Variants in PRKCB observed in about 807,000 individuals in gnomAD.
PRKCB encodes protein kinase C beta type.
In PRKCB, 13 loss-of-function variants were observed where a neutral mutation model predicts 81.5. The ratio of observed to expected loss-of-function variants is 0.16; its 90% confidence interval spans 0.10 to 0.25. PRKCB has a LOEUF of 0.25. Among genes scored for constraint, PRKCB ranks in the 10% least tolerant of loss-of-function variants. PRKCB has a pLI of 1.00. For missense variants in PRKCB, 509 were observed against 875.7 expected (o/e 0.58, Z 5.29); for synonymous variants, 335 against 321.4 (o/e 1.04, Z -0.45).
chr16:24,009,531 T>C (rs1039827574), intron 3 of PRKCB, among the ~76,000 whole-genome samples: 1 of 151,488 alleles, frequency 6.6e-6, no homozygotes, highest in Non-Finnish European at 1.5e-5. Flanking sequence ...TTCAAGTGAT[T>C]CTGCTGCCTC....
chr16:23,965,540 A>G (rs1964476202), intron 2 of PRKCB, among the ~76,000 whole-genome samples: 1 of 152,238 alleles, frequency 6.6e-6, no homozygotes, highest in Non-Finnish European at 1.5e-5. Context: ...ATATAAATCA[A>G]TAATCAATAA....
intron 7 of PRKCB, among the ~76,000 whole-genome samples, chr16:24,107,132 ATT>A (rs1966589155): frequency 6.6e-6 from 1 of 152,172 alleles, no homozygotes; most frequent in South Asian, 2.1e-4. Context: ...TAATTCAGTG[ATT>A]ATATTTTTCT....
intron 2 of PRKCB, among the ~76,000 whole-genome samples, chr16:23,854,200 A>T (rs190194247): frequency 2.0e-5 from 3 of 152,020 alleles, no homozygotes; most frequent in East Asian, 2.0e-4. Flanking sequence ...TCACCTGTGG[A>T]CATCCCAAGC....
intron 5 of PRKCB, among the ~76,000 whole-genome samples, chr16:24,046,294 T>C (rs1230107143): frequency 1.3e-5 from 2 of 152,240 alleles, no homozygotes; most frequent in Admixed American, 6.5e-5. Context: ...ATCCTGCCTT[T>C]CCCACTCCTC....
chr16:24,093,070 T>C, intron 6 of PRKCB, 123 bp downstream of exon 6: 1 of 1,043,984 alleles, frequency 9.6e-7, no homozygotes, highest in Non-Finnish European at 1.3e-6. Context: ...TCCTTTTCTG[T>C]CTTCTCCATC....
chr16:24,013,702 T>C (rs1965236150), intron 3 of PRKCB, among the ~76,000 whole-genome samples: 1 of 151,630 alleles, frequency 6.6e-6, no homozygotes, highest in Non-Finnish European at 1.5e-5. Context: ...ACATAATAGC[T>C]CTTCAATACC....
chr16:24,115,278 T>C (rs1966724117), intron 8 of PRKCB, among the ~76,000 whole-genome samples: 2 of 142,792 alleles, frequency 1.4e-5, no homozygotes, highest in Admixed American at 1.4e-4. Flanking sequence ...TTAGCATTTA[T>C]CCCAAGAGCA....
At chr16:24,172,171 TG>T in intron 10 of PRKCB, 98 bp from the exon 11 acceptor site, 1 of 833,380 alleles carries the variant, frequency 1.2e-6, no homozygotes, top group Non-Finnish European at 2.0e-6. Context: ...CAGAGAGCCC[TG>T]GTAGTTTTCA....
intron 3 of PRKCB, among the ~76,000 whole-genome samples, chr16:24,030,716 CA>C (rs59739745): frequency 0.099 from 12,970 of 131,328 alleles, 650 homozygotes; most frequent in African/African-American, 0.12. Flanking sequence ...CCCCTCTCTA[CA>C]AAAAAAAAAA....
chr16:23,998,699 A>G (rs1169197847), intron 3 of PRKCB, among the ~76,000 whole-genome samples: 1 of 152,222 alleles, frequency 6.6e-6, no homozygotes, highest in Non-Finnish European at 1.5e-5. Flanking sequence ...GGTGCATGGC[A>G]AGAGCTATAT....
chr16:24,219,623 T>G lies in PRKCB; in HGVS notation c.*4807T>G. The G allele has an allele frequency of 9.5e-7, 1 of 1,050,302 alleles. No individual in the cohort carries two copies. Among genetic ancestry groups the G allele is most frequent in the Non-Finnish European group, 1.1e-6 (1 of 872,928 alleles). The allele number at this position is 1,050,302 out of a possible 1,614,324, so 65.1% of individuals were successfully genotyped here. On this transcript the variant is annotated 3_prime_UTR_variant, in exon 17 of 17. Coordinates refer to ENST00000643927, the MANE Select transcript of PRKCB (RefSeq NM_002738.7). ...AGCATGGTAATAAGTAGCTTCCAAT[T>G]CAATTCATCCTAAAGCCAAAGAAAA...
chr16:24,106,645 T>C (rs1161638357), intron 7 of PRKCB, among the ~76,000 whole-genome samples: 3 of 152,228 alleles, frequency 2.0e-5, no homozygotes, highest in African/African-American at 7.2e-5. Flanking sequence ...CAAAATGTCC[T>C]ACAATTTTAA....
intron 2 of PRKCB, among the ~76,000 whole-genome samples, chr16:23,855,592 G>A (rs11074583): frequency 0.51 from 76,845 of 152,108 alleles, 21,086 homozygotes; most frequent in East Asian, 0.65. Context: ...ACTCTGGCTA[G>A]CATCATTGAT....
chr16:24,009,368 TAGGCAAATGCAAATCAAAACCACA>T, intron 3 of PRKCB, among the ~76,000 whole-genome samples: 1 of 151,280 alleles, frequency 6.6e-6, no homozygotes, highest in East Asian at 1.9e-4. Flanking sequence ...CACTAATCAC[TAGGCAAATGCAAATCAAAACCACA>T]ATGAGATATT....
At position 24,216,933 on chromosome 16, in the gene PRKCB, G is replaced by A; in HGVS notation, c.*2117G>A. On this transcript the variant is annotated 3_prime_UTR_variant, in exon 17 of 17. Transcript: ENST00000643927. ...GTAGCAAGGCAGCAGACATCTCTGAGCCAGGCCCACCAACAGGCCCTTATC... is the reference window on the plus strand; with the variant it reads ...GTAGCAAGGCAGCAGACATCTCTGAACCAGGCCCACCAACAGGCCCTTATC... 1 of 985,438 alleles carries A rather than the reference G, an allele frequency of 1.0e-6. No homozygotes were observed. Among genetic ancestry groups the A allele is most frequent in the African/African-American group, 1.7e-5 (1 of 57,354 alleles). 61.0% of individuals were successfully genotyped at this position (985,438 alleles called of 1,614,324 possible).
intron 3 of PRKCB, among the ~76,000 whole-genome samples, chr16:24,029,366 G>C (rs1965522425): frequency 6.6e-6 from 1 of 152,198 alleles, no homozygotes; most frequent in Admixed American, 6.5e-5. Flanking sequence ...TAGCGAGTGA[G>C]TTCTCACACG....
At position 23,932,453 on chromosome 16, in the gene PRKCB, G is replaced by A. The variant is rs577420568; in HGVS notation, c.206-56055G>A. Among the ~76,000 whole-genome samples, 21 of 152,300 alleles carry A rather than the reference G, an allele frequency of 1.4e-4. 1 individual carries two copies. The highest frequency in any genetic ancestry group is 6.8e-3 in the Middle Eastern group (2 of 294). On this transcript the variant is annotated intron_variant, in intron 2 of 16. Coordinates refer to ENST00000643927, the MANE Select transcript of PRKCB (RefSeq NM_002738.7). ...TTTTTTGGCAAAAAGGCCCCAAGGT[G>A]TAGTCCCTAGCACCTATGTTCGAAC...
Position 23,988,606 on chromosome 16 carries a change from C to G in PRKCB, c.288+16C>G. The G allele has an allele frequency of 6.2e-7, 1 of 1,610,350 alleles. No homozygotes were observed. The highest frequency in any genetic ancestry group is 1.1e-5 in the South Asian group (1 of 90,960). ...AGCCTCCGATGTAAGTAATGGGCAT[C>G]GATTGCTTTTCTCTGTCCACAGTCA... is the stretch of plus-strand genomic sequence containing the variant. On this transcript the variant is annotated intron_variant, in intron 3 of 16. Coordinates refer to ENST00000643927, the MANE Select transcript of PRKCB (RefSeq NM_002738.7).
At chr16:24,059,773 A>C (rs572858597) in intron 5 of PRKCB, among the ~76,000 whole-genome samples, 1 of 152,350 alleles carries the variant, frequency 6.6e-6, no homozygotes, top group African/African-American at 2.4e-5. Flanking sequence ...AATTCAAGAA[A>C]GTGGATATGG....
Sources: gnomAD v4.1 joint callset for allele counts (sites outside exome capture counted in the v4.1 genomes callset) on GRCh38, gnomAD v4.1.1 for gene constraint, MANE v1.5 for transcripts, NCBI Gene and HGNC (gene_info 2026-07-23, HGNC 2026-07-21) for gene names.